Variants in DNAL1 observed in about 807,000 individuals in gnomAD.
The protein encoded by DNAL1 is chromosome 14 open reading frame 168.
A neutral mutation model predicts 29.4 loss-of-function variants in DNAL1; 17 were observed. The observed-to-expected ratio is 0.58, with a 90% CI of 0.40 to 0.87. The LOEUF (loss-of-function observed/expected upper bound fraction) is 0.87, where lower values mean the gene tolerates loss of function less well. Ranked by LOEUF, DNAL1 falls within the 40% of genes least tolerant of loss-of-function variation. The pLI, the probability that DNAL1 is intolerant of heterozygous loss-of-function variation, is 0.00. For missense variants in DNAL1, 188 were observed against 214.1 expected (o/e 0.88, Z 0.76); for synonymous variants, 78 against 76.3 (o/e 1.02, Z -0.12).
intron 1 of DNAL1, among the ~76,000 whole-genome samples, chr14:73,647,376 A>AG (rs1555400517): frequency 2.7e-5 from 3 of 110,004 alleles, no homozygotes; most frequent in African/African-American, 6.0e-5. Flanking sequence ...AAAAAAAAAA[A>AG]AAAAAGAAAA....
At chr14:73,676,477 G>T (rs958299353) in intron 5 of DNAL1, among the ~76,000 whole-genome samples, 1 of 151,838 alleles carries the variant, frequency 6.6e-6, no homozygotes, top group Non-Finnish European at 1.5e-5. Context: ...TGTTTGTTCT[G>T]ATAGTGTACA....
chr14:73,693,518 C>T (rs1412777649), intron 7 of DNAL1, among the ~76,000 whole-genome samples: 2 of 152,044 alleles, frequency 1.3e-5, no homozygotes, highest in Non-Finnish European at 2.9e-5. Context: ...AAATTTTACA[C>T]AACATGGATG....
rs925196135 is a variant in DNAL1, at chr14:73,696,777, A to G, written c.*835A>G. The G allele has an allele frequency of 2.0e-5, 3 of 152,224 alleles. No homozygotes were observed. Among genetic ancestry groups the G allele is most frequent in the Non-Finnish European group, 4.4e-5 (3 of 68,036 alleles). 9.4% of individuals were successfully genotyped at this position (152,224 alleles called of 1,614,324 possible). A position where few individuals can be genotyped will look rare whatever the true frequency, so the allele number is the denominator to read the frequency against. On this transcript the variant is annotated 3_prime_UTR_variant, in exon 8 of 8. Coordinates refer to ENST00000553645, the MANE Select transcript of DNAL1 (RefSeq NM_031427.4). ...TTAGTTATATTTGAATTCCTAGACT[A>G]AATGCTGGCCATTGATGTATGTCAA...
rs1001336074 is a variant in DNAL1, at chr14:73,701,479, G to A, written c.*5537G>A. On this transcript the variant is annotated 3_prime_UTR_variant, in exon 8 of 8. Coordinates refer to ENST00000553645, the MANE Select transcript of DNAL1 (RefSeq NM_031427.4). ...ATCCAAGATCATCCCTCTGGGGGATGTGTCAAGTAGTTCTCCTACTCAGAA... is the reference window on the plus strand; with the variant it reads ...ATCCAAGATCATCCCTCTGGGGGATATGTCAAGTAGTTCTCCTACTCAGAA... The A allele has an allele frequency of 2.6e-5, 4 of 152,230 alleles. No individual in the cohort carries two copies. The highest frequency in any genetic ancestry group is 9.6e-5 in the African/African-American group (4 of 41,466). 9.4% of individuals were successfully genotyped at this position (152,230 alleles called of 1,614,324 possible).
intron 5 of DNAL1, among the ~76,000 whole-genome samples, chr14:73,683,959 G>A (rs1319743865): frequency 1.3e-5 from 2 of 151,974 alleles, no homozygotes; most frequent in Non-Finnish European, 2.9e-5. Flanking sequence ...CACCTACCTC[G>A]GCCTCCCAAA....
At chr14:73,659,321 C>T (rs1891289138) in intron 3 of DNAL1, among the ~76,000 whole-genome samples, 1 of 151,864 alleles carries the variant, frequency 6.6e-6, no homozygotes, top group Non-Finnish European at 1.5e-5. Flanking sequence ...TGCCACCACG[C>T]CCAGCAATTT....
In DNAL1 at chr14:73,700,741, T is replaced by C. The variant is rs976335773; in HGVS notation, c.*4799T>C. ...AAACTGCTAAATTGCATGTTACCCT[T>C]TACTAGAAATTCATTCCTTTGGCAC... On this transcript the variant is annotated 3_prime_UTR_variant, in exon 8 of 8. Transcript: ENST00000553645. 1 of 152,234 alleles carries C rather than the reference T, an allele frequency of 6.6e-6. No individual in the cohort carries two copies. Among genetic ancestry groups the C allele is most frequent in the African/African-American group, 2.4e-5 (1 of 41,446 alleles). The allele number at this position is 152,234 out of a possible 1,614,324, so 9.4% of individuals were successfully genotyped here.
At chr14:73,693,284 A>G (rs1376619231) in intron 7 of DNAL1, among the ~76,000 whole-genome samples, 1 of 152,032 alleles carries the variant, frequency 6.6e-6, no homozygotes, top group African/African-American at 2.4e-5. Context: ...AAAACTCTAC[A>G]CATACATTCC....
chr14:73,681,633 A>AAAAATATATATAT (rs1555402645), intron 5 of DNAL1, among the ~76,000 whole-genome samples: 1 of 35,420 alleles, frequency 2.8e-5, no homozygotes, highest in Non-Finnish European at 4.1e-5. Flanking sequence ...AAAAAAAAAA[A>AAAAATATATATAT]ATATATATAT....
Position 73,689,372 on chromosome 14 carries a change from T to A in DNAL1, c.392-3T>A. 9 of 1,552,012 alleles carry A rather than the reference T, an allele frequency of 5.8e-6. No homozygotes were observed. The highest frequency in any genetic ancestry group is 7.8e-6 in the Non-Finnish European group (9 of 1,147,048). ...AATATGGAAAATATTCTTTTACTTGTAGCTGAGTTTGTGAAGCTGGCAGAA... is the reference window on the plus strand; with the variant it reads ...AATATGGAAAATATTCTTTTACTTGAAGCTGAGTTTGTGAAGCTGGCAGAA... On this transcript the variant is annotated splice_region_variant and splice_polypyrimidine_tract_variant and intron_variant, in intron 6 of 7. Coordinates refer to ENST00000553645, the MANE Select transcript of DNAL1 (RefSeq NM_031427.4).
chr14:73,685,337 A>T (rs1374833723), intron 5 of DNAL1, among the ~76,000 whole-genome samples: 1 of 152,084 alleles, frequency 6.6e-6, no homozygotes, highest in Non-Finnish European at 1.5e-5. Context: ...TAACTACTCT[A>T]GGTATTTCAT....
intron 4 of DNAL1, among the ~76,000 whole-genome samples, chr14:73,669,048 T>G (rs1299097186): frequency 2.0e-5 from 3 of 152,212 alleles, no homozygotes; most frequent in Non-Finnish European, 1.5e-5. Flanking sequence ...AGGATACCGA[T>G]CATGTTGGAT....
intron 7 of DNAL1, among the ~76,000 whole-genome samples, chr14:73,692,490 T>C (rs1946657734): frequency 6.6e-6 from 1 of 150,476 alleles, no homozygotes; most frequent in African/African-American, 2.4e-5. Flanking sequence ...AGAAACCCCG[T>C]CTCTACTAAA....
intron 5 of DNAL1, among the ~76,000 whole-genome samples, chr14:73,682,855 G>C (rs1222347314): frequency 1.4e-5 from 2 of 147,196 alleles, no homozygotes; most frequent in Non-Finnish European, 3.0e-5. Flanking sequence ...CCTGTCTGAG[G>C]CTGTTTTATA....
rs139365882 is a variant in DNAL1, at chr14:73,699,453, G to C, written c.*3511G>C. 1.3e-5 allele frequency: 2 copies of C among 151,832 alleles called. No individual in the cohort carries two copies. The highest frequency in any genetic ancestry group is 2.9e-5 in the Non-Finnish European group (2 of 68,018). The allele number at this position is 151,832 out of a possible 1,614,324, so 9.4% of individuals were successfully genotyped here. On this transcript the variant is annotated 3_prime_UTR_variant, in exon 8 of 8. Coordinates refer to ENST00000553645, the MANE Select transcript of DNAL1 (RefSeq NM_031427.4). ...CCCAAGTAGCTGGGACTACAGGCAC[G>C]CGCCACCATGCCTGGCTAATTTTTG... is the stretch of plus-strand genomic sequence containing the variant.
chr14:73,684,603 A>T (rs1050886729), intron 5 of DNAL1, among the ~76,000 whole-genome samples: 33 of 152,176 alleles, frequency 2.2e-4, no homozygotes, highest in African/African-American at 6.8e-4. Flanking sequence ...CATATAGTCT[A>T]AAATAGAGGT....
At chr14:73,681,625 AAAAAAAAAATATAT>A (rs1306722208) in intron 5 of DNAL1, among the ~76,000 whole-genome samples, 4 of 47,222 alleles carry the variant, frequency 8.5e-5, no homozygotes, top group African/African-American at 3.7e-4. Flanking sequence ...AAAAAAAAAA[AAAAAAAAAATATAT>A]ATATATATAT....
At chr14:73,693,778 T>C (rs965614237) in intron 7 of DNAL1, among the ~76,000 whole-genome samples, 3 of 152,146 alleles carry the variant, frequency 2.0e-5, no homozygotes, top group African/African-American at 7.2e-5. Flanking sequence ...ATATATCTTT[T>C]GTGGGTATAG....
At position 73,687,396 on chromosome 14, in the gene DNAL1, AG is replaced by A. The variant is rs1315925772; in HGVS notation, c.391+12del. On this transcript the variant is annotated intron_variant, in intron 6 of 7. Transcript: ENST00000553645. The stretch of plus-strand genomic sequence containing the variant: ...TGGTAAAAGACTGGGGTAAGCTGAG[AG>A]TGGCCCTTTGCTAACCTTCTACCGC... 1 of 1,577,334 alleles carries A rather than the reference AG, an allele frequency of 6.3e-7. No individual in the cohort carries two copies. The highest frequency in any genetic ancestry group is 8.6e-7 in the Non-Finnish European group (1 of 1,162,832).
Sources: allele counts gnomAD v4.1 joint callset (sites outside exome capture counted in the v4.1 genomes callset), GRCh38; gene constraint gnomAD v4.1.1; transcripts MANE v1.5; gene names NCBI Gene and HGNC (gene_info 2026-07-23, HGNC 2026-07-21).